Variants in GNAT2 observed in about 807,000 individuals in gnomAD.
GNAT2 encodes G protein subunit alpha transducin 2, also known as guanine nucleotide-binding protein G(t) subunit alpha-2.
A neutral mutation model predicts 40.9 loss-of-function variants in GNAT2; 32 were observed. The observed-to-expected ratio is 0.78, with a 90% CI of 0.59 to 1.05. The LOEUF (loss-of-function observed/expected upper bound fraction) is 1.05. GNAT2 is among the 50% of genes least tolerant of loss of function. The pLI, the probability that GNAT2 is intolerant of heterozygous loss-of-function variation, is 0.00. For synonymous variants in GNAT2, 141 were observed against 157.2 expected (o/e 0.90, Z 0.77); for missense variants, 355 against 431.5 (o/e 0.82, Z 1.57).
Position 109,606,447 on chromosome 1 carries a change from G to A in GNAT2, c.462-11C>T, listed in dbSNP as rs763373350. On this transcript the variant is annotated splice_polypyrimidine_tract_variant and intron_variant, in intron 5 of 8. Coordinates refer to ENST00000679935, the MANE Select transcript of GNAT2 (RefSeq NM_001377295.2). ...AATTGGTTCAGGTAGCTAGAGAAAA[G>A]TGATTAGCATCAATGACAAATTTTC... 2.5e-6 allele frequency: 4 copies of A among 1,612,202 alleles called. No individual in the cohort carries two copies. The East Asian group carries it at 8.9e-5, about 36-fold the overall frequency.
rs1031943897 is a variant in GNAT2 at position 109,609,961 on chromosome 1, T to C, written c.303+79A>G. On this transcript the variant is annotated intron_variant, in intron 4 of 8. Transcript: ENST00000679935. ...TATTTTTCTTACCCATCTTTCCATA[T>C]AGTTTGTTGGCCTCTGGTATGTTTC... is the stretch of plus-strand genomic sequence containing the variant. The C allele has an allele frequency of 1.6e-5, 22 of 1,372,416 alleles. No homozygotes were observed. The African/African-American group carries it at 2.6e-4, about 16-fold the overall frequency. The allele number at this position is 1,372,416 out of a possible 1,614,324, so 85.0% of individuals were successfully genotyped here.
chr1:109,603,801 T>G (rs1411285302), intron 8 of GNAT2, 150 bp downstream of exon 8: 2 of 715,576 alleles, frequency 2.8e-6, no homozygotes, highest in Non-Finnish European at 5.0e-6. Flanking sequence ...ATCTAATGCC[T>G]GCTGTATTCC....
At chr1:109,612,638 G>C (rs961960559) in intron 2 of GNAT2, 115 bp downstream of exon 2, 4 of 765,194 alleles carry the variant, frequency 5.2e-6, no homozygotes, top group African/African-American at 5.1e-5. Flanking sequence ...GTGTAGAGGA[G>C]AGGAAAAATG....
At chr1:109,612,193 G>A (rs1475921358) in intron 2 of GNAT2, 1 of 177,678 alleles carries the variant, frequency 5.6e-6, no homozygotes, top group African/African-American at 2.4e-5. Context: ...AGAGAGCCAG[G>A]AAGGGACTGC....
intron 1 of GNAT2, chr1:109,617,811 A>T (rs1649991941): frequency 6.6e-6 from 1 of 152,248 alleles, no homozygotes; most frequent in African/African-American, 2.4e-5. Flanking sequence ...AATGCAAGAT[A>T]CTATCTTTAA....
chr1:109,610,459 A>G lies in GNAT2; in HGVS notation c.161+6T>C. 6.2e-7 allele frequency: 1 copy of G among 1,612,076 alleles called. No individual in the cohort carries two copies. The highest frequency in any genetic ancestry group is 1.3e-5 in the African/African-American group (1 of 74,828). Reference sequence around the variant, plus strand: ...TCTTGTCTTTTGGGGCTTTGTTTCTACTCACTTCATCTGTTTGACGATGGT... The same window carrying G: ...TCTTGTCTTTTGGGGCTTTGTTTCTGCTCACTTCATCTGTTTGACGATGGT... On this transcript the variant is annotated splice_donor_region_variant and intron_variant, in intron 3 of 8. Transcript: ENST00000679935.
At chr1:109,610,236 G>T in intron 3 of GNAT2, 55 bp from the exon 4 acceptor site, 1 of 1,581,432 alleles carries the variant, frequency 6.3e-7, no homozygotes, top group Non-Finnish European at 8.7e-7. Context: ...AGACCTAAGG[G>T]ATTAGGAATT....
chr1:109,613,044 C>T (rs1649850666), intron 1 of GNAT2, 121 bp from the exon 2 acceptor site: 1 of 703,236 alleles, frequency 1.4e-6, no homozygotes, highest in Admixed American at 1.9e-5. Context: ...TGTACTCTGC[C>T]TACATTGACT....
At chr1:109,603,817 A>T (rs1649507565) in intron 8 of GNAT2, 134 bp downstream of exon 8, 2 of 756,826 alleles carry the variant, frequency 2.6e-6, no homozygotes, top group Non-Finnish European at 4.7e-6. Context: ...ATTCCAGAGT[A>T]TCTGAATTTA....
At chr1:109,613,956 A>G (rs541166426) in intron 1 of GNAT2, 3 of 152,366 alleles carry the variant, frequency 2.0e-5, no homozygotes, top group South Asian at 2.1e-4. Flanking sequence ...TCCTGGGGGA[A>G]AAATGAGGGT....
At position 109,603,552 on chromosome 1, in the gene GNAT2, T is replaced by C. The variant is rs2101121395; in HGVS notation, c.875-8A>G. 1 of 1,584,392 alleles carries C rather than the reference T, an allele frequency of 6.3e-7. No individual in the cohort carries two copies. The highest frequency in any genetic ancestry group is 8.7e-7 in the Non-Finnish European group (1 of 1,153,114). On this transcript the variant is annotated splice_polypyrimidine_tract_variant and splice_region_variant and intron_variant, in intron 8 of 8. Transcript: ENST00000679935. ...CATCATAGGAGTTGTTACCTGGTTTTCCAGAAAAATAGTGAAAAAGTAGAA... is the reference window on the plus strand; with the variant it reads ...CATCATAGGAGTTGTTACCTGGTTTCCCAGAAAAATAGTGAAAAAGTAGAA...
In GNAT2 at chr1:109,603,528, A is replaced by G. The variant is rs973000584; in HGVS notation, c.891T>C (p.Asp297=). ...FPEYDGNNSY[D]DAGNYIKSQF... is the part of the protein sequence containing the mutation. ...GGCTCTTTATGTAATTCCCCGCATC[A>G]TCATAGGAGTTGTTACCTGGTTTTC... The change falls in exon 9 of 9, where the codon GAT becomes GAC. Residue 297 remains aspartate (D), a synonymous_variant. Transcript: ENST00000679935. 6.2e-7 allele frequency: 1 copy of G among 1,609,338 alleles called. No individual in the cohort carries two copies. Among genetic ancestry groups the G allele is most frequent in the Non-Finnish European group, 8.5e-7 (1 of 1,175,632 alleles).
At chr1:109,613,092 C>G in intron 1 of GNAT2, 169 bp from the exon 2 acceptor site, 3 of 568,044 alleles carry the variant, frequency 5.3e-6, no homozygotes, top group African/African-American at 1.9e-5. Flanking sequence ...ACTTCTTAGT[C>G]TAGGGATTGT....
In GNAT2 at chr1:109,606,479, C is replaced by T. The variant is rs377203942; in HGVS notation, c.462-43G>A. 258 of 1,586,892 alleles carry T rather than the reference C, an allele frequency of 1.6e-4. 1 individual carries two copies. The highest frequency in any genetic ancestry group is 2.1e-4 in the Non-Finnish European group (237 of 1,155,446). ...GCATCAATGACAAATTTTCCACAGA[C>T]GAGGCTAAGAGACGTAAAAGGTATC... is the stretch of plus-strand genomic sequence containing the variant. On this transcript the variant is annotated intron_variant, in intron 5 of 8. Coordinates refer to ENST00000679935, the MANE Select transcript of GNAT2 (RefSeq NM_001377295.2).
chr1:109,603,768 T>C (rs1271534316), intron 8 of GNAT2, 183 bp downstream of exon 8: 14 of 668,704 alleles, frequency 2.1e-5, no homozygotes, highest in Non-Finnish European at 3.5e-5. Flanking sequence ...GTAGGTATCA[T>C]ATGAAGTCAG....
chr1:109,605,016 C>T (rs1649550085), intron 7 of GNAT2: 1 of 152,138 alleles, frequency 6.6e-6, no homozygotes, highest in African/African-American at 2.4e-5. Flanking sequence ...CTCTGTAAGA[C>T]ATTTTGATTA....
chr1:109,612,993 G>A, intron 1 of GNAT2, 70 bp from the exon 2 acceptor site: 1 of 765,544 alleles, frequency 1.3e-6, no homozygotes. Flanking sequence ...CCTAAAAGCT[G>A]GTCTGTACGA....
intron 2 of GNAT2, chr1:109,612,008 T>A (rs141960897): frequency 6.6e-6 from 1 of 152,638 alleles, no homozygotes; most frequent in East Asian, 1.9e-4. Context: ...GTGGTTTGTT[T>A]TCCTAAGCCA....
chr1:109,618,148 A>G (rs1309949722), intron 1 of GNAT2: 3 of 152,260 alleles, frequency 2.0e-5, no homozygotes, highest in African/African-American at 7.2e-5. Context: ...GAAAATAAAT[A>G]TAACCCATAA....
Sources: gnomAD v4.1 joint callset for allele counts on GRCh38, gnomAD v4.1.1 for gene constraint, MANE v1.5 for transcripts, NCBI Gene and HGNC (gene_info 2026-07-23, HGNC 2026-07-21) for gene names.